Variants in LMO7 observed in about 807,000 individuals in gnomAD.
LMO7 encodes the protein LIM domain 7.
A neutral mutation model predicts 206.5 loss-of-function variants in LMO7; 120 were observed. The ratio of observed to expected loss-of-function variants is 0.58; its 90% CI spans 0.50 to 0.68. The LOEUF (loss-of-function observed/expected upper bound fraction) is 0.68, where lower values mean the gene tolerates loss of function less well. LMO7 is among the 30% of genes least tolerant of loss of function. LMO7 has a pLI of 0.00. For synonymous variants in LMO7, 706 were observed against 681.5 expected, an observed-to-expected ratio of 1.04 and a Z score of -0.56; for missense variants, 1,959 against 1,957.9, an observed-to-expected ratio of 1.00 and a Z score of -0.01.
At chr13:75,662,564 C>G (rs567863252) in intron 1 of LMO7, among the ~76,000 whole-genome samples, 7 of 152,338 alleles carry the variant, frequency 4.6e-5, no homozygotes, top group Admixed American at 1.3e-4. Flanking sequence ...AGCAATCTGC[C>G]TGCTTAGGCC....
intron 1 of LMO7, among the ~76,000 whole-genome samples, chr13:75,696,934 C>A (rs561764975): frequency 5.3e-5 from 8 of 152,102 alleles, no homozygotes; most frequent in Non-Finnish European, 1.2e-4. Flanking sequence ...GCACGTCGAA[C>A]GTTGCCAGAC....
chr13:75,764,382 G>C (rs1384054383), intron 4 of LMO7, among the ~76,000 whole-genome samples: 1 of 152,138 alleles, frequency 6.6e-6, no homozygotes, highest in African/African-American at 2.4e-5. Context: ...AGAGCCATCT[G>C]TGCAGGCCTT....
chr13:75,675,218 C>T (rs961664407), intron 1 of LMO7, among the ~76,000 whole-genome samples: 21 of 151,816 alleles, frequency 1.4e-4, no homozygotes, highest in African/African-American at 5.1e-4. Flanking sequence ...GCATTACAGG[C>T]GCCTGCCACC....
rs1437871014 is a variant in LMO7, at chr13:75,760,960, G to A, written c.239G>A (p.Cys80Tyr). Residue 80 changes from cysteine (C) to tyrosine (Y), a missense_variant, in exon 4 of 31, where the codon TGT (cysteine) becomes TAT (tyrosine). By Grantham distance (194) the Cys-to-Tyr change is radical. Coordinates refer to ENST00000377534, the MANE Select transcript of LMO7 (RefSeq NM_001306080.2). ...AATATAAACGTTTTCTTGAAAGCTT[G>A]TGAACAGATTGGATTGAAAGAAGCC... The part of the protein sequence containing the change: ...LDNINVFLKA[C>Y]EQIGLKEAQL... 4 of 1,613,376 alleles carry A rather than the reference G, an allele frequency of 2.5e-6. No individual in the cohort carries two copies. Among genetic ancestry groups the A allele is most frequent in the Non-Finnish European group, 3.4e-6 (4 of 1,179,758 alleles).
In LMO7 at chr13:75,760,950, T is replaced by G; in HGVS notation, c.229T>G (p.Leu77Val). 1.2e-6 allele frequency: 2 copies of G among 1,613,538 alleles called. No homozygotes were observed. Among genetic ancestry groups the G allele is most frequent in the Non-Finnish European group, 1.7e-6 (2 of 1,179,742 alleles). The part of the protein sequence containing the change: ...IAGLDNINVF[L>V]KACEQIGLKE... ...TTCACAGGATAATATAAACGTTTTC[T>G]TGAAAGCTTGTGAACAGATTGGATT... The change falls in exon 4 of 31, where the codon TTG becomes GTG. Residue 77 changes from leucine (L) to valine (V), a missense_variant. Transcript: ENST00000377534.
chr13:75,656,861 G>C (rs2038106551), intron 1 of LMO7, among the ~76,000 whole-genome samples: 2 of 152,182 alleles, frequency 1.3e-5, no homozygotes, highest in Admixed American at 6.5e-5. Context: ...ATCAGGCCTA[G>C]GGTGAGCCAG....
chr13:75,745,788 A>G (rs2046786942), intron 3 of LMO7, among the ~76,000 whole-genome samples: 2 of 152,196 alleles, frequency 1.3e-5, no homozygotes, highest in Admixed American at 1.3e-4. Flanking sequence ...GAACTGAAAC[A>G]TTGGCTTTTC....
At chr13:75,743,019 T>C (rs996294423) in intron 3 of LMO7, among the ~76,000 whole-genome samples, 9 of 151,674 alleles carry the variant, frequency 5.9e-5, no homozygotes, top group Non-Finnish European at 2.9e-5. Context: ...CTTAAACAAA[T>C]GTACAAGAAA....
intron 13 of LMO7, among the ~76,000 whole-genome samples, chr13:75,819,894 C>G (rs182909521): frequency 9.9e-5 from 15 of 152,272 alleles, no homozygotes; most frequent in Admixed American, 7.9e-4. Context: ...AATCAGCTCA[C>G]TCTTTTAACT....
In LMO7 at chr13:75,805,709, G is replaced by T; in HGVS notation, c.1145G>T (p.Arg382Ile). ...CWTPEDVNWKRIKRETYKPWY... is the reference protein window; with the variant it reads ...CWTPEDVNWKIIKRETYKPWY... Reference sequence around the variant, plus strand: ...ACCCCAGAAGATGTGAACTGGAAAAGAATAAAAAGGGAAACTTATAAGCCA... The same window carrying T: ...ACCCCAGAAGATGTGAACTGGAAAATAATAAAAAGGGAAACTTATAAGCCA... Residue 382 changes from arginine to isoleucine, a missense_variant, in exon 9 of 31, where the codon AGA becomes ATA. Physicochemically the swap from Arg to Ile is moderately conservative, Grantham distance 97. Coordinates refer to ENST00000377534, the MANE Select transcript of LMO7 (RefSeq NM_001306080.2). 1.2e-6 allele frequency: 2 copies of T among 1,613,966 alleles called. No homozygotes were observed. The highest frequency in any genetic ancestry group is 1.7e-6 in the Non-Finnish European group (2 of 1,179,870).
chr13:75,819,759 G>A (rs2057396155), intron 13 of LMO7, among the ~76,000 whole-genome samples: 1 of 152,162 alleles, frequency 6.6e-6, no homozygotes, highest in South Asian at 2.1e-4. Context: ...CTTAAAATAG[G>A]TGTTCATTAT....
chr13:75,798,662 A>G (rs539077160), intron 6 of LMO7, among the ~76,000 whole-genome samples: 1 of 152,238 alleles, frequency 6.6e-6, no homozygotes, highest in South Asian at 2.1e-4. Context: ...ATCAAAACCA[A>G]TGTGTTCATC....
At chr13:75,792,301 A>G (rs2053423036) in intron 4 of LMO7, among the ~76,000 whole-genome samples, 1 of 152,112 alleles carries the variant, frequency 6.6e-6, no homozygotes, top group Non-Finnish European at 1.5e-5. Flanking sequence ...ATTAGAAGGA[A>G]ATTTCCTTCT....
intron 10 of LMO7, among the ~76,000 whole-genome samples, 193 bp downstream of exon 10, chr13:75,808,392 A>T (rs2055836943): frequency 6.6e-6 from 1 of 152,254 alleles, no homozygotes; most frequent in Non-Finnish European, 1.5e-5. Context: ...ATATTTGCAT[A>T]TCTCTAAATA....
At chr13:75,812,239 A>T (rs1490285525) in intron 11 of LMO7, among the ~76,000 whole-genome samples, 3 of 152,172 alleles carry the variant, frequency 2.0e-5, no homozygotes, top group African/African-American at 7.2e-5. Context: ...CTACTGAGGA[A>T]CCCTCATTGA....
chr13:75,681,706 GTA>G (rs150463472), intron 1 of LMO7, among the ~76,000 whole-genome samples: 1 of 93,326 alleles, frequency 1.1e-5, no homozygotes, highest in Non-Finnish European at 2.2e-5. Context: ...GTATGTATGT[GTA>G]TATATATATG....
intron 1 of LMO7, among the ~76,000 whole-genome samples, chr13:75,682,992 A>G (rs1014020603): frequency 2.7e-5 from 4 of 149,514 alleles, no homozygotes; most frequent in Admixed American, 2.0e-4. Flanking sequence ...TGAGAGTTCT[A>G]TTTTCTAGAT....
At chr13:75,680,233 C>G (rs920722344) in intron 1 of LMO7, among the ~76,000 whole-genome samples, 2 of 152,194 alleles carry the variant, frequency 1.3e-5, no homozygotes, top group African/African-American at 4.8e-5. Flanking sequence ...TGATCTCGTT[C>G]CCTTTTGTGG....
In LMO7 at chr13:75,853,124, G is replaced by T; in HGVS notation, c.4397G>T (p.Arg1466Leu). 1 of 1,611,704 alleles carries T rather than the reference G, an allele frequency of 6.2e-7. No homozygotes were observed. The highest frequency in any genetic ancestry group is 8.5e-7 in the Non-Finnish European group (1 of 1,178,746). ...TCTTTAGATAACCTGGACTCCCCCC[G>T]ATCCAATTCTTGGAGACAGCCTCCT... ...GESLDNLDSP[R>L]SNSWRQPPWL... is the part of the protein sequence containing the mutation. Residue 1466 changes from arginine (R) to leucine (L), a missense_variant, in exon 28 of 31, where the codon CGA becomes CTA. By Grantham distance (102) the Arg-to-Leu change is moderately radical (BLOSUM62 -2). Coordinates refer to ENST00000377534, the MANE Select transcript of LMO7 (RefSeq NM_001306080.2).
Sources: gnomAD v4.1 joint callset for allele counts (sites outside exome capture counted in the v4.1 genomes callset) on GRCh38, gnomAD v4.1.1 for gene constraint, MANE v1.5 for transcripts, NCBI Gene and HGNC (gene_info 2026-07-23, HGNC 2026-07-21) for gene names.